MED12L: variants seen among roughly 807,000 people sequenced by gnomAD.
MED12L encodes mediator complex subunit 12L.
In MED12L, 60 loss-of-function variants were observed where a neutral mutation model predicts 281.3. The observed-to-expected ratio is 0.21, with a 90% CI of 0.17 to 0.26. MED12L has a LOEUF of 0.26. Among genes scored for constraint, MED12L ranks in the 10% least tolerant of loss-of-function variants. MED12L has a pLI of 1.00. For missense variants in MED12L, 2,146 were observed against 2,680.9 expected, an observed-to-expected ratio of 0.80 and a Z score of 4.41; for synonymous variants, 974 against 987.2, an observed-to-expected ratio of 0.99 and a Z score of 0.25.
intron 5 of MED12L, among the ~76,000 whole-genome samples, chr3:151,151,031 C>CTTTGTTTTTTTTTTTT (rs1718399593): frequency 3.0e-5 from 1 of 32,880 alleles, no homozygotes; most frequent in East Asian, 9.9e-4. Context: ...GCTGAAGTAG[C>CTTTGTTTTTTTTTTTT]TTTTTTTTTT....
intron 16 of MED12L, chr3:151,295,278 CT>C: frequency 1.0e-6 from 1 of 990,376 alleles, no homozygotes; most frequent in Non-Finnish European, 1.5e-6. Flanking sequence ...ACTAGGTTCC[CT>C]TACAGACCCA....
intron 16 of MED12L, among the ~76,000 whole-genome samples, chr3:151,206,640 A>ATTTTTTTTTTTTTTT (rs1216609130): frequency 6.2e-5 from 1 of 16,010 alleles, no homozygotes; most frequent in African/African-American, 2.6e-4. Context: ...CTAACACATT[A>ATTTTTTTTTTTTTTT]TCTTTTTTTT....
At chr3:151,116,855 G>A (rs936508229) in intron 3 of MED12L, among the ~76,000 whole-genome samples, 2 of 152,176 alleles carry the variant, frequency 1.3e-5, no homozygotes, top group African/African-American at 4.8e-5. Flanking sequence ...CACAATGCCA[G>A]TTTGCCCTAC....
At chr3:151,427,540 T>TTAA (rs1384151602) in intron 43 of MED12L, among the ~76,000 whole-genome samples, 1 of 152,202 alleles carries the variant, frequency 6.6e-6, no homozygotes, top group African/African-American at 2.4e-5. Flanking sequence ...GAAGCAGGCT[T>TTAA]TAAATGAACA....
In MED12L at chr3:151,359,541, A is replaced by G. The variant is rs545104119; in HGVS notation, c.2826-933A>G. ...CTCCACTTTGCCCTTTCCCCTGAATAGTACAGAGGAGTTTGATCTGGGAGT... is the reference window on the plus strand; with the variant it reads ...CTCCACTTTGCCCTTTCCCCTGAATGGTACAGAGGAGTTTGATCTGGGAGT... On this transcript the variant is annotated intron_variant, in intron 20 of 44. Coordinates refer to ENST00000687756, the MANE Select transcript of MED12L (RefSeq NM_001393769.1). 8.5e-5 allele frequency among the ~76,000 whole-genome samples: 13 copies of G among 152,210 alleles called. No homozygotes were observed. The South Asian group carries it at 2.5e-3, about 29-fold the overall frequency.
At chr3:151,238,314 T>C (rs1461585009) in intron 16 of MED12L, among the ~76,000 whole-genome samples, 2 of 152,094 alleles carry the variant, frequency 1.3e-5, no homozygotes, top group East Asian at 3.9e-4. Context: ...GGCCGGCTAA[T>C]TTTTGCATTT....
chr3:151,302,743 C>A (rs1484431240), intron 16 of MED12L, among the ~76,000 whole-genome samples: 1 of 152,112 alleles, frequency 6.6e-6, no homozygotes. Context: ...GGAATCTCTG[C>A]TACTTCTTCA....
intron 2 of MED12L, among the ~76,000 whole-genome samples, chr3:151,110,418 G>A (rs575972674): frequency 6.6e-6 from 1 of 152,286 alleles, no homozygotes; most frequent in African/African-American, 2.4e-5. Context: ...GGGTCTATTG[G>A]TGCATTACTG....
chr3:151,332,232 A>G (rs968400327), intron 16 of MED12L, among the ~76,000 whole-genome samples: 1 of 152,218 alleles, frequency 6.6e-6, no homozygotes, highest in African/African-American at 2.4e-5. Context: ...CAAAATTGAC[A>G]GTCCAAGGCC....
At chr3:151,122,580 G>A (rs1713918352) in intron 3 of MED12L, among the ~76,000 whole-genome samples, 2 of 152,196 alleles carry the variant, frequency 1.3e-5, no homozygotes, top group South Asian at 4.1e-4. Context: ...AACTACTTGT[G>A]AGTAGTGGTA....
intron 16 of MED12L, among the ~76,000 whole-genome samples, chr3:151,284,266 T>C (rs1301422860): frequency 6.6e-6 from 1 of 152,018 alleles, no homozygotes; most frequent in Non-Finnish European, 1.5e-5. Flanking sequence ...CTATGGGTGA[T>C]CACATGTAGA....
intron 6 of MED12L, 112 bp downstream of exon 6, chr3:151,156,442 C>T (rs1719296771): frequency 1.0e-6 from 1 of 995,204 alleles, no homozygotes; most frequent in Non-Finnish European, 1.4e-6. Context: ...CCAATACATT[C>T]AAAGAAAGCA....
chr3:151,247,563 G>T (rs1430271113), intron 16 of MED12L, among the ~76,000 whole-genome samples: 1 of 144,630 alleles, frequency 6.9e-6, no homozygotes, highest in African/African-American at 2.6e-5. Context: ...ATTGAACAAT[G>T]AGATCACATG....
At chr3:151,425,670 G>C in intron 43 of MED12L, 1 of 456,626 alleles carries the variant, frequency 2.2e-6, no homozygotes, top group Non-Finnish European at 4.4e-6. Context: ...TAGTAAGCTG[G>C]GTATTCGGTC....
chr3:151,280,774 G>A (rs1463710295), intron 16 of MED12L, among the ~76,000 whole-genome samples: 2 of 151,540 alleles, frequency 1.3e-5, no homozygotes, highest in African/African-American at 2.4e-5. Context: ...GCACATACTC[G>A]TACACTCGAT....
At chr3:151,207,667 T>C (rs1014274744) in intron 16 of MED12L, among the ~76,000 whole-genome samples, 10 of 152,044 alleles carry the variant, frequency 6.6e-5, no homozygotes, top group East Asian at 1.9e-4. Flanking sequence ...TCTACCAACA[T>C]TGGAGTTTGC....
chr3:151,144,132 G>A (rs906772825), intron 5 of MED12L, among the ~76,000 whole-genome samples: 1 of 152,164 alleles, frequency 6.6e-6, no homozygotes, highest in Admixed American at 6.5e-5. Context: ...CTGTAGCTGT[G>A]GGGGAAGCTG....
At chr3:151,193,468 A>G in intron 15 of MED12L, 22 bp from the exon 16 acceptor site, 1 of 1,600,650 alleles carries the variant, frequency 6.2e-7, no homozygotes, top group Non-Finnish European at 8.5e-7. Context: ...ACAATCTCCA[A>G]CATTTGTTTT....
rs570324390 is a variant in MED12L, at chr3:151,234,692, G to A, written c.2250+41026G>A. On this transcript the variant is annotated intron_variant, in intron 16 of 44. Transcript: ENST00000687756. ...TACAACTAGGACCCAACCATTCGAA[G>A]CCTCAGTTACTGTAATATCCAACCT... Among the ~76,000 whole-genome samples the A allele has an allele frequency of 3.9e-5, 6 of 152,304 alleles. No homozygotes were observed. The South Asian group carries it at 8.3e-4, about 21-fold the overall frequency.
Sources: gnomAD v4.1 joint callset for allele counts (sites outside exome capture counted in the v4.1 genomes callset) on GRCh38, gnomAD v4.1.1 for gene constraint, MANE v1.5 for transcripts, NCBI Gene and HGNC (gene_info 2026-07-23, HGNC 2026-07-21) for gene names.